The following CLTB variants were observed in gnomAD, a reference collection of about 807,000 sequenced individuals.
The protein encoded by CLTB is clathrin, light chain (Lcb).
Under a neutral mutation model 30.5 loss-of-function variants are expected in CLTB, and 10 were observed. The ratio of observed to expected loss-of-function variants is 0.33; its 90% CI spans 0.20 to 0.56. The LOEUF is 0.56. Ranked by LOEUF, CLTB falls within the 20% of genes least tolerant of loss-of-function variation. CLTB has a pLI of 0.91. For synonymous variants in CLTB, 102 were observed against 120.3 expected (o/e 0.85, Z 1.00); for missense variants, 261 against 308.3 (o/e 0.85, Z 1.15).
chr5:176,407,062 A>T (rs1439642821), intron 2 of CLTB, among the ~76,000 whole-genome samples: 1 of 152,180 alleles, frequency 6.6e-6, no homozygotes, highest in Non-Finnish European at 1.5e-5. Flanking sequence ...ACCTGCTGTG[A>T]TTCTTAGTAA....
intron 2 of CLTB, among the ~76,000 whole-genome samples, chr5:176,404,142 T>A (rs1756979310): frequency 6.6e-6 from 1 of 152,230 alleles, no homozygotes; most frequent in African/African-American, 2.4e-5. Flanking sequence ...GAACCAGGAT[T>A]CAAACTGAAT....
In CLTB at chr5:176,410,759, C is replaced by T. The variant is rs950720731; in HGVS notation, c.188-456G>A. ...TGGATAAGGAAGAGAGGGGCCTACG[C>T]GTCTCTGCCTGTCCCTGAGGCGCCT... On this transcript the variant is annotated intron_variant, in intron 1 of 5. Transcript: ENST00000310418. Among the ~76,000 whole-genome samples, 7 of 117,822 alleles carry T rather than the reference C, an allele frequency of 5.9e-5. No homozygotes were observed. The Admixed American group carries it at 6.1e-4, about 10-fold the overall frequency. The allele number at this position is 117,822 out of a possible 152,430, so 77.3% of individuals were successfully genotyped here.
chr5:176,394,019 G>A (rs1269463730), intron 5 of CLTB, among the ~76,000 whole-genome samples: 4 of 152,180 alleles, frequency 2.6e-5, no homozygotes, highest in African/African-American at 7.2e-5. Flanking sequence ...AGGTGACCTG[G>A]CCCCTCTCTA....
Position 176,416,352 on chromosome 5 carries a change from G to C in CLTB, c.12C>G (p.Asp4Glu), listed in dbSNP as rs1232932329. 3 of 1,596,760 alleles carry C rather than the reference G, an allele frequency of 1.9e-6. No individual in the cohort carries two copies. The South Asian group carries it at 3.3e-5, about 18-fold the overall frequency. Residue 4 changes from aspartate to glutamate, a missense_variant, in exon 1 of 6, where the codon GAC (aspartate) becomes GAG (glutamate). Asp to Glu is a conservative substitution (Grantham distance 45, BLOSUM62 2). Transcript: ENST00000310418. ...TCTCCGACGACGAGAAGAAGCCAAA[G>C]TCATCAGCCATTTTCCCCGCGCCTC... is the stretch of plus-strand genomic sequence containing the variant. MAD[D>E]FGFFSSSESG...
chr5:176,392,968 C>G lies in CLTB; in HGVS notation c.519-23G>C. 1 of 1,613,804 alleles carries G rather than the reference C, an allele frequency of 6.2e-7. No individual in the cohort carries two copies. The highest frequency in any genetic ancestry group is 2.2e-5 in the East Asian group (1 of 44,876). ...GCCCTGCGGGTGGAGATAGGACGGG[C>G]TTTTATAGCAGTCTGCTTTCCCCCA... is the stretch of plus-strand genomic sequence containing the variant. On this transcript the variant is annotated intron_variant, in intron 5 of 5. Transcript: ENST00000310418. This position sits in a 1 kb window ranked among gnomAD's most constrained non-coding sequence, Gnocchi z 5.2.
rs1338244954 is a variant in CLTB at position 176,410,316 on chromosome 5, C to T, written c.188-13G>A. 6.2e-7 allele frequency: 1 copy of T among 1,613,070 alleles called. No individual in the cohort carries two copies. The highest frequency in any genetic ancestry group is 1.1e-5 in the South Asian group (1 of 90,970). On this transcript the variant is annotated splice_polypyrimidine_tract_variant and intron_variant, in intron 1 of 5. Transcript: ENST00000310418. ...TCCTCAGAACCAGCTGGAAAGAGAA[C>T]AAGGAGATAGCATTACTCACTGTTT...
At chr5:176,398,498 G>A (rs1756661330) in intron 2 of CLTB, among the ~76,000 whole-genome samples, 2 of 152,070 alleles carry the variant, frequency 1.3e-5, no homozygotes, top group African/African-American at 4.8e-5. Context: ...ATCACCTGAG[G>A]TTGGGAGTTC....
chr5:176,394,798 G>A (rs1756438068), intron 5 of CLTB, among the ~76,000 whole-genome samples: 1 of 151,404 alleles, frequency 6.6e-6, no homozygotes, highest in South Asian at 2.1e-4. Context: ...CTGGGTGACA[G>A]AGCAAGACTC....
rs913128052 is a variant in CLTB, at chr5:176,393,928, C to G, written c.519-983G>C. ...TCACAAGTCCCTGGAAGCCCCCTCT[C>G]CATCTCAAGCAGGACCAGTTCTGCC... On this transcript the variant is annotated intron_variant, in intron 5 of 5. Transcript: ENST00000310418. This position sits in a 1 kb window ranked among gnomAD's most constrained non-coding sequence, Gnocchi z 4.4. Among the ~76,000 whole-genome samples the G allele has an allele frequency of 6.6e-6, 1 of 152,218 alleles. No individual in the cohort carries two copies. Among genetic ancestry groups the G allele is most frequent in the African/African-American group, 2.4e-5 (1 of 41,460 alleles).
At chr5:176,415,495 C>A (rs532724200) in intron 1 of CLTB, among the ~76,000 whole-genome samples, 14 of 152,050 alleles carry the variant, frequency 9.2e-5, no homozygotes, top group African/African-American at 3.4e-4. Flanking sequence ...CCAGTCTGGG[C>A]AACATAGCGA....
At chr5:176,410,398 A>G (rs1361836637) in intron 1 of CLTB, 95 bp from the exon 2 acceptor site, 1 of 919,388 alleles carries the variant, frequency 1.1e-6, no homozygotes, top group African/African-American at 1.6e-5. Flanking sequence ...AACTCTGTGT[A>G]TACCCATGTA....
chr5:176,399,211 ACTG>A (rs1756694201), intron 2 of CLTB, among the ~76,000 whole-genome samples: 1 of 152,046 alleles, frequency 6.6e-6, no homozygotes, highest in African/African-American at 2.4e-5. Flanking sequence ...TGTCCTTTTC[ACTG>A]CTATGTCCCC....
At chr5:176,399,033 G>A (rs1238624959) in intron 2 of CLTB, among the ~76,000 whole-genome samples, 3 of 151,948 alleles carry the variant, frequency 2.0e-5, no homozygotes, top group South Asian at 2.1e-4. Flanking sequence ...TAGTAGAGAC[G>A]GGGTTTCTCC....
chr5:176,414,561 C>T (rs972667372), intron 1 of CLTB, among the ~76,000 whole-genome samples: 7 of 152,044 alleles, frequency 4.6e-5, no homozygotes, highest in African/African-American at 1.7e-4. Flanking sequence ...TCAGCCTTCC[C>T]GAGCAGCTGG....
rs988717062 is a variant in CLTB, at chr5:176,393,905, A to G, written c.519-960T>C. Among the ~76,000 whole-genome samples the G allele has an allele frequency of 5.9e-5, 9 of 152,312 alleles. No homozygotes were observed. Among genetic ancestry groups the G allele is most frequent in the South Asian group, 2.1e-4 (1 of 4,830 alleles). On this transcript the variant is annotated intron_variant, in intron 5 of 5. Coordinates refer to ENST00000310418, the MANE Select transcript of CLTB (RefSeq NM_007097.5). This position sits in a 1 kb window ranked among gnomAD's most constrained non-coding sequence, Gnocchi z 4.4. ...CCTGTTTGGCCAGCGAGGGTCGCTC[A>G]CAAGTCCCTGGAAGCCCCCTCTCCA...
chr5:176,395,614 C>G (rs1015393295), intron 5 of CLTB, among the ~76,000 whole-genome samples: 1 of 152,164 alleles, frequency 6.6e-6, no homozygotes, highest in Non-Finnish European at 1.5e-5. Flanking sequence ...AACTAACTGA[C>G]GTCGGCACGA....
chr5:176,404,771 G>A (rs1016024037), intron 2 of CLTB, among the ~76,000 whole-genome samples: 3 of 152,170 alleles, frequency 2.0e-5, no homozygotes, highest in Admixed American at 1.3e-4. Flanking sequence ...CAGGTCCCGG[G>A]CTCCGGTGAA....
intron 2 of CLTB, among the ~76,000 whole-genome samples, chr5:176,407,969 G>A (rs1316800612): frequency 7.2e-5 from 11 of 152,134 alleles, no homozygotes; most frequent in Non-Finnish European, 1.3e-4. Flanking sequence ...TCCAGGGCGG[G>A]GCTCAGAAGA....
At chr5:176,402,957 T>G (rs901055759) in intron 2 of CLTB, among the ~76,000 whole-genome samples, 3 of 151,982 alleles carry the variant, frequency 2.0e-5, no homozygotes, top group Non-Finnish European at 4.4e-5. Context: ...TGCTGCCAGA[T>G]GTGGGAGGAG....
Sources: gnomAD v4.1 joint callset for allele counts (sites outside exome capture counted in the v4.1 genomes callset) on GRCh38, gnomAD v4.1.1 for gene constraint, Gnocchi (gnomAD v3.1) non-coding constraint, MANE v1.5 for transcripts, NCBI Gene and HGNC (gene_info 2026-07-23, HGNC 2026-07-21) for gene names.